Variants in PSD3 observed in about 807,000 individuals in gnomAD.
PSD3 encodes the protein pleckstrin and Sec7 domain containing 3.
PSD3 carries 49 observed loss-of-function variants against 105.5 expected under a neutral mutation model. The ratio of observed to expected loss-of-function variants is 0.46; its 90% CI spans 0.37 to 0.59. The LOEUF (loss-of-function observed/expected upper bound fraction) is 0.59. Ranked by LOEUF, PSD3 falls within the 20% of genes least tolerant of loss-of-function variation. The pLI is 0.00. For synonymous variants in PSD3, 557 were observed against 457.8 expected, an observed-to-expected ratio of 1.22 and a Z score of -2.77; for missense variants, 1,561 against 1,263.8, an observed-to-expected ratio of 1.24 and a Z score of -3.57.
chr8:18,581,180 G>A (rs987099896), intron 12 of PSD3, among the ~76,000 whole-genome samples: 4 of 152,102 alleles, frequency 2.6e-5, no homozygotes, highest in African/African-American at 4.8e-5. Flanking sequence ...TGGATCATCA[G>A]AACCAACAGG....
At chr8:18,794,974 C>A (rs1180849118) in intron 8 of PSD3, among the ~76,000 whole-genome samples, 1 of 152,100 alleles carries the variant, frequency 6.6e-6, no homozygotes, top group Admixed American at 6.6e-5. Context: ...TACTAATAAA[C>A]CAAATATTTA....
intron 9 of PSD3, among the ~76,000 whole-genome samples, chr8:18,695,700 C>T (rs1031413827): frequency 6.6e-6 from 1 of 152,232 alleles, no homozygotes; most frequent in African/African-American, 2.4e-5. Flanking sequence ...GGTATATACA[C>T]ATACCAGAAA....
chr8:18,615,456 T>C (rs1805589876), intron 11 of PSD3, among the ~76,000 whole-genome samples: 1 of 152,140 alleles, frequency 6.6e-6, no homozygotes, highest in Admixed American at 6.5e-5. Context: ...CATTGTTCCA[T>C]CTGTAAGGGC....
intron 9 of PSD3, among the ~76,000 whole-genome samples, chr8:18,713,129 G>A (rs1321727993): frequency 1.3e-5 from 2 of 151,978 alleles, no homozygotes; most frequent in Non-Finnish European, 1.5e-5. Flanking sequence ...TTGAAGGAAC[G>A]TACCTCAAAA....
chr8:18,632,557 T>C, intron 11 of PSD3, 56 bp downstream of exon 11: 1 of 1,526,490 alleles, frequency 6.6e-7, no homozygotes, highest in Non-Finnish European at 8.9e-7. Context: ...TCCCTTTAAA[T>C]TTTGAGCATA....
intron 1 of PSD3, among the ~76,000 whole-genome samples, chr8:19,070,744 T>C (rs759315561): frequency 5.9e-5 from 9 of 152,156 alleles, no homozygotes; most frequent in African/African-American, 1.2e-4. Flanking sequence ...GTACATTGTC[T>C]TGTACACCTC....
intron 1 of PSD3, among the ~76,000 whole-genome samples, chr8:19,045,427 T>G (rs761994575): frequency 1.3e-5 from 2 of 152,002 alleles, no homozygotes; most frequent in Non-Finnish European, 2.9e-5. Flanking sequence ...TTAAGGGAGG[T>G]GAGACTGACA....
intron 1 of PSD3, among the ~76,000 whole-genome samples, chr8:18,943,665 T>A (rs768828001): frequency 6.6e-6 from 1 of 152,054 alleles, no homozygotes; most frequent in Non-Finnish European, 1.5e-5. Flanking sequence ...AGTCCTCAGA[T>A]CCCTGCCTCC....
chr8:18,702,076 C>G (rs1288838381), intron 9 of PSD3, among the ~76,000 whole-genome samples: 1 of 152,168 alleles, frequency 6.6e-6, no homozygotes. Flanking sequence ...TCCCAGGAAT[C>G]CTGGGAGTGA....
At chr8:18,843,595 C>T (rs975831078) in intron 4 of PSD3, among the ~76,000 whole-genome samples, 2 of 152,092 alleles carry the variant, frequency 1.3e-5, no homozygotes, top group Non-Finnish European at 2.9e-5. Flanking sequence ...AATTTCAGTC[C>T]TCACCTAACA....
At chr8:18,692,797 C>A (rs867782744) in intron 9 of PSD3, among the ~76,000 whole-genome samples, 13 of 152,258 alleles carry the variant, frequency 8.5e-5, no homozygotes, top group Middle Eastern at 6.8e-3. Context: ...GGCAGTAAAC[C>A]AAACTGCCTA....
chr8:18,653,359 G>T (rs947170087), intron 10 of PSD3, among the ~76,000 whole-genome samples: 1 of 137,716 alleles, frequency 7.3e-6, no homozygotes, highest in Non-Finnish European at 1.6e-5. Flanking sequence ...GAGAGAAAAA[G>T]AAAAAAAGAC....
intron 1 of PSD3, among the ~76,000 whole-genome samples, chr8:19,006,235 G>C (rs775091928): frequency 3.3e-5 from 5 of 149,556 alleles, no homozygotes; most frequent in African/African-American, 1.2e-4. Flanking sequence ...GGGGGTTGCA[G>C]TGAGCCGAGA....
chr8:18,992,350 T>C (rs189436125), intron 1 of PSD3, among the ~76,000 whole-genome samples: 73 of 152,242 alleles, frequency 4.8e-4, no homozygotes, highest in African/African-American at 1.6e-3. Flanking sequence ...TCAAAACAAT[T>C]TGATGGTTTC....
At chr8:19,057,742 A>G (rs1323216944) in intron 1 of PSD3, among the ~76,000 whole-genome samples, 3 of 152,204 alleles carry the variant, frequency 2.0e-5, no homozygotes, top group Non-Finnish European at 4.4e-5. Context: ...CCATGATGAG[A>G]TACCACTACA....
At chr8:18,851,718 C>A (rs1318524602) in intron 4 of PSD3, among the ~76,000 whole-genome samples, 1 of 152,190 alleles carries the variant, frequency 6.6e-6, no homozygotes, top group Non-Finnish European at 1.5e-5. Flanking sequence ...AGGGAGCTGG[C>A]AAGCCCGACA....
At chr8:18,658,252 CA>C (rs1415029245) in intron 9 of PSD3, among the ~76,000 whole-genome samples, 5 of 152,112 alleles carry the variant, frequency 3.3e-5, no homozygotes, top group African/African-American at 9.7e-5. Flanking sequence ...TGCTTTATCA[CA>C]ATTATTATTT....
intron 3 of PSD3, among the ~76,000 whole-genome samples, chr8:18,868,730 A>G (rs186415326): frequency 1.0e-3 from 156 of 152,374 alleles, no homozygotes; most frequent in African/African-American, 3.7e-3. Flanking sequence ...ACTTTGGCAC[A>G]CAAACGTGAA....
At chr8:18,655,613 A>G (rs1489860894) in intron 10 of PSD3, 29 bp downstream of exon 10, 1 of 1,608,334 alleles carries the variant, frequency 6.2e-7, no homozygotes, top group East Asian at 2.2e-5. Context: ...GTAGTTCATT[A>G]TTAAAAGGCT....
Sources: allele counts gnomAD v4.1 joint callset (sites outside exome capture counted in the v4.1 genomes callset), GRCh38; gene constraint gnomAD v4.1.1; transcripts MANE v1.5; gene names NCBI Gene and HGNC (gene_info 2026-07-23, HGNC 2026-07-21).